PRRC1: variants seen among roughly 807,000 people sequenced by gnomAD.
PRRC1 encodes the protein proline rich coiled-coil 1.
A neutral mutation model predicts 40.7 loss-of-function variants in PRRC1; 39 were observed. That is an observed-to-expected ratio of 0.96 (90% CI 0.74 to 1.25). PRRC1 has a LOEUF of 1.25. Among genes scored for constraint, PRRC1 ranks in the 50% most tolerant of loss-of-function variants. The probability of loss-of-function intolerance (pLI) is 0.00; values close to 1 mark genes in which losing one functional copy is unlikely to be tolerated. For synonymous variants in PRRC1, 175 were observed against 193.3 expected (o/e 0.91, Z 0.79); for missense variants, 573 against 548.3 (o/e 1.05, Z -0.45).
At chr5:127,521,171 A>G (rs548985600) in intron 1 of PRRC1, among the ~76,000 whole-genome samples, 1 of 152,188 alleles carries the variant, frequency 6.6e-6, no homozygotes, top group Admixed American at 6.5e-5. Context: ...TTAAAGTTTA[A>G]ATTCCTAGTT....
In PRRC1 at chr5:127,533,477, A is replaced by T. The variant is rs182153980; in HGVS notation, c.758-146A>T. On this transcript the variant is annotated intron_variant, in intron 5 of 8. Transcript: ENST00000296666. ...TGTTGGCCTCAGTTTTCTCAAGCATATAAAAAAGATAATGATCTATATCTT... is the reference window on the plus strand; with the variant it reads ...TGTTGGCCTCAGTTTTCTCAAGCATTTAAAAAAGATAATGATCTATATCTT... 2.7e-5 allele frequency: 20 copies of T among 739,018 alleles called. No individual in the cohort carries two copies. The African/African-American group carries it at 2.8e-4, about 10-fold the overall frequency. The allele number at this position is 739,018 out of a possible 1,614,324, so 45.8% of individuals were successfully genotyped here. A position where few individuals can be genotyped will look rare whatever the true frequency, so the allele number is the denominator to read the frequency against.
At chr5:127,544,985 G>T (rs1299098859) in intron 7 of PRRC1, among the ~76,000 whole-genome samples, 3 of 152,316 alleles carry the variant, frequency 2.0e-5, no homozygotes, top group African/African-American at 7.2e-5. Context: ...CTCACGCTGG[G>T]AGCTGTAGAC....
At chr5:127,543,982 T>A (rs1312075218) in intron 7 of PRRC1, among the ~76,000 whole-genome samples, 2 of 70,978 alleles carry the variant, frequency 2.8e-5, no homozygotes, top group East Asian at 1.9e-3. Context: ...TTCTGCTCTG[T>A]TTTTTCCCCA....
chr5:127,518,991 ATT>A (rs2127085748), intron 1 of PRRC1, among the ~76,000 whole-genome samples: 1 of 152,318 alleles, frequency 6.6e-6, no homozygotes, highest in South Asian at 2.1e-4. Flanking sequence ...CAGTATTGCC[ATT>A]ACGGCAGTTT....
In PRRC1 at chr5:127,547,740, A is replaced by T. The variant is rs1361539680; in HGVS notation, c.1026-79A>T. 3 of 896,632 alleles carry T rather than the reference A, an allele frequency of 3.3e-6. No individual in the cohort carries two copies. In the East Asian group the frequency reaches 7.4e-5, roughly 22 times the overall value. 55.5% of individuals were successfully genotyped at this position (896,632 alleles called of 1,614,324 possible). On this transcript the variant is annotated intron_variant, in intron 7 of 8. Coordinates refer to ENST00000296666, the MANE Select transcript of PRRC1 (RefSeq NM_130809.5). Reference sequence around the variant, plus strand: ...AAATCTGTTCTATCTGAATAATAGTACTTGTTTTTTCTTTTTGTCTATTCA... The same window carrying T: ...AAATCTGTTCTATCTGAATAATAGTTCTTGTTTTTTCTTTTTGTCTATTCA...
intron 1 of PRRC1, among the ~76,000 whole-genome samples, chr5:127,522,184 G>A (rs931348209): frequency 6.6e-6 from 1 of 152,204 alleles, no homozygotes; most frequent in Non-Finnish European, 1.5e-5. Context: ...TTCTGTACTT[G>A]AGATACACTT....
At chr5:127,531,991 C>T (rs1395644412) in intron 5 of PRRC1, among the ~76,000 whole-genome samples, 1 of 152,088 alleles carries the variant, frequency 6.6e-6, no homozygotes, top group Non-Finnish European at 1.5e-5. Context: ...AATGTCATAA[C>T]TTTATCAGCT....
At chr5:127,523,411 A>T in intron 1 of PRRC1, 49 bp from the exon 2 acceptor site, 1 of 830,456 alleles carries the variant, frequency 1.2e-6, no homozygotes, top group South Asian at 2.4e-5. Flanking sequence ...CTTTAAAAAT[A>T]TACTTTTGGT....
intron 7 of PRRC1, among the ~76,000 whole-genome samples, chr5:127,542,004 T>C (rs1418271188): frequency 6.6e-6 from 1 of 152,202 alleles, no homozygotes. Context: ...CTTTCTCTTG[T>C]GGGCATTTAG....
intron 8 of PRRC1, chr5:127,551,019 T>C (rs371864340): frequency 3.4e-4 from 52 of 152,374 alleles, no homozygotes; most frequent in African/African-American, 1.2e-3. Flanking sequence ...GTGATTGTAA[T>C]ACATGGCACA....
At chr5:127,549,726 A>G (rs1338069275) in intron 8 of PRRC1, 1 of 152,182 alleles carries the variant, frequency 6.6e-6, no homozygotes, top group Non-Finnish European at 1.5e-5. Context: ...TTTGTAATTA[A>G]GTTTATTGGA....
chr5:127,542,941 C>T lies in PRRC1; in HGVS notation c.1025+3798C>T, dbSNP rs564095341. Among the ~76,000 whole-genome samples the T allele has an allele frequency of 3.9e-5, 6 of 152,200 alleles. No homozygotes were observed. The East Asian group carries it at 7.7e-4, about 20-fold the overall frequency. On this transcript the variant is annotated intron_variant, in intron 7 of 8. Coordinates refer to ENST00000296666, the MANE Select transcript of PRRC1 (RefSeq NM_130809.5). ...TATGATGTTAGCTGGTTATTTTTCT[C>T]ATTAGTTGATGCAGTTTCTTCCTAG...
Position 127,524,479 on chromosome 5 carries a change from A to G in PRRC1, c.104-52A>G, listed in dbSNP as rs79554802. The G allele has an allele frequency of 3.0e-3, 4,588 of 1,515,832 alleles. 81 individuals carry two copies. The East Asian group carries it at 0.037, about 12-fold the overall frequency. The allele number at this position is 1,515,832 out of a possible 1,614,324, so 93.9% of individuals were successfully genotyped here. A position where few individuals can be genotyped will look rare whatever the true frequency, so the allele number is the denominator to read the frequency against. ...AAAGTAATTAGACAGTTTGAAAACT[A>G]AATAAAAAACATTTCTAATTCTGTG... On this transcript the variant is annotated intron_variant, in intron 2 of 8. Transcript: ENST00000296666.
rs754915709 is a variant in PRRC1 at position 127,553,915 on chromosome 5, G to A, written c.*1999G>A. The A allele has an allele frequency of 1.3e-6, 2 of 1,534,900 alleles. No homozygotes were observed. Among genetic ancestry groups the A allele is most frequent in the African/African-American group, 2.7e-5 (2 of 72,986 alleles). On this transcript the variant is annotated 3_prime_UTR_variant, in exon 9 of 9. Transcript: ENST00000296666. The stretch of plus-strand genomic sequence containing the variant: ...CCTGCTCGGAACCGTGTGAGTGGGT[G>A]AGGAAGATGAGAGATGGTCAGATGG...
intron 7 of PRRC1, 43 bp from the exon 8 acceptor site, chr5:127,547,776 T>C: frequency 2.3e-6 from 3 of 1,325,912 alleles, no homozygotes; most frequent in Non-Finnish European, 3.2e-6. Context: ...TGATAAGTTT[T>C]ATTTGGCATA....
chr5:127,552,783 TGA>T lies in PRRC1; in HGVS notation c.*871_*872del, dbSNP rs1331166197. The T allele has an allele frequency of 1.0e-5, 10 of 985,430 alleles. No homozygotes were observed. Among genetic ancestry groups the T allele is most frequent in the Middle Eastern group, 5.2e-4 (1 of 1,914 alleles). The allele number at this position is 985,430 out of a possible 1,614,324, so 61.0% of individuals were successfully genotyped here. On this transcript the variant is annotated 3_prime_UTR_variant, in exon 9 of 9. Transcript: ENST00000296666. ...CTACACATTTTAATACAGAAATTTT[TGA>T]GAGGGGGTTACTTTATTGCTTGTGG... is the stretch of plus-strand genomic sequence containing the variant.
At chr5:127,551,533 T>G in intron 8 of PRRC1, 174 bp from the exon 9 acceptor site, 1 of 644,094 alleles carries the variant, frequency 1.6e-6, no homozygotes, top group Non-Finnish European at 2.7e-6. Context: ...TAATGTTACA[T>G]TGATTGTGTT....
intron 5 of PRRC1, 71 bp from the exon 6 acceptor site, chr5:127,533,552 C>A: frequency 7.9e-7 from 1 of 1,265,474 alleles, no homozygotes. Context: ...ATGTTAGCAC[C>A]TGGTATGGTA....
chr5:127,529,662 A>C (rs1029489613), intron 4 of PRRC1, among the ~76,000 whole-genome samples: 3 of 152,208 alleles, frequency 2.0e-5, no homozygotes, highest in African/African-American at 7.2e-5. Context: ...TCGCACAAGA[A>C]GGAATACTCA....
Sources: allele counts gnomAD v4.1 joint callset (sites outside exome capture counted in the v4.1 genomes callset), GRCh38; gene constraint gnomAD v4.1.1; transcripts MANE v1.5; gene names NCBI Gene and HGNC (gene_info 2026-07-23, HGNC 2026-07-21).